DOCK1: variants seen among roughly 807,000 people sequenced by gnomAD.
The protein encoded by DOCK1 is dedicator of cytokinesis 1.
In DOCK1, 138 loss-of-function variants were observed where a neutral mutation model predicts 262.7. The ratio of observed to expected loss-of-function variants is 0.53; its 90% CI spans 0.46 to 0.61. DOCK1 has a LOEUF of 0.61. DOCK1 is among the 20% of genes least tolerant of loss of function. DOCK1 has a pLI of 0.00. For missense variants in DOCK1, 1,908 were observed against 2,370.7 expected, an observed-to-expected ratio of 0.80 and a Z score of 4.05; for synonymous variants, 866 against 867.4, an observed-to-expected ratio of 1.00 and a Z score of 0.03.
rs10538924 is a variant in DOCK1, at chr10:126,996,535, ATT to A, written c.474-191_474-190del. Among the ~76,000 whole-genome samples the A allele has an allele frequency of 3.2e-3, 434 of 136,216 alleles. 3 individuals are homozygous for A. The highest frequency in any genetic ancestry group is 6.1e-3 in the African/African-American group (223 of 36,522). 89.4% of individuals were successfully genotyped at this position (136,216 alleles called of 152,430 possible). A position where few individuals can be genotyped will look rare whatever the true frequency, so the allele number is the denominator to read the frequency against. On this transcript the variant is annotated intron_variant, in intron 6 of 51. Coordinates refer to ENST00000623213, the MANE Select transcript of DOCK1 (RefSeq NM_001290223.2). ...ATTGCAATGGAAATAAAAATTGAGG[ATT>A]TTTTTTTTTTTTTTTTTTTTTACTT... is the stretch of plus-strand genomic sequence containing the variant.
At chr10:127,067,481 AC>A (rs745788326) in intron 23 of DOCK1, among the ~76,000 whole-genome samples, 39 of 152,056 alleles carry the variant, frequency 2.6e-4, no homozygotes, top group Non-Finnish European at 4.4e-4. Context: ...ATTGATGCTT[AC>A]TTGGTATATG....
chr10:127,095,949 T>A (rs1441766973), intron 23 of DOCK1, among the ~76,000 whole-genome samples: 1 of 152,072 alleles, frequency 6.6e-6, no homozygotes, highest in Non-Finnish European at 1.5e-5. Flanking sequence ...CCCTCAGGCG[T>A]TAAATTGACA....
intron 18 of DOCK1, among the ~76,000 whole-genome samples, chr10:127,036,602 T>G (rs568562713): frequency 6.6e-6 from 1 of 152,098 alleles, no homozygotes; most frequent in Non-Finnish European, 1.5e-5. Context: ...TAATGGGATG[T>G]TAATATAACT....
At chr10:127,058,849 C>T (rs2045347812) in intron 22 of DOCK1, among the ~76,000 whole-genome samples, 1 of 152,030 alleles carries the variant, frequency 6.6e-6, no homozygotes, top group Non-Finnish European at 1.5e-5. Flanking sequence ...TATTTCAATT[C>T]TATGTTTTAT....
chr10:127,227,224 T>G (rs2058676157), intron 27 of DOCK1, among the ~76,000 whole-genome samples: 1 of 152,120 alleles, frequency 6.6e-6, no homozygotes, highest in African/African-American at 2.4e-5. Flanking sequence ...CTCCAGAACT[T>G]TTCATCGTGG....
In DOCK1 at chr10:127,037,792, A is replaced by G. The variant is rs540128098; in HGVS notation, c.1986A>G (p.Lys662=). ...AGCAGAACTTGAGGCAGCTGATGAA[A>G]GTCGATGGTGGTGAAGTAGTGAAGG... The part of the protein sequence containing the change: ...LLQQNLRQLM[K]VDGGEVVKFL... Residue 662 remains lysine, a synonymous_variant, in exon 19 of 52, where the codon AAA becomes AAG. Coordinates refer to ENST00000623213, the MANE Select transcript of DOCK1 (RefSeq NM_001290223.2). 124 of 1,597,972 alleles carry G rather than the reference A, an allele frequency of 7.8e-5. No homozygotes were observed. The East Asian group carries it at 2.4e-3, about 31-fold the overall frequency.
intron 21 of DOCK1, among the ~76,000 whole-genome samples, chr10:127,046,240 G>A (rs183927103): frequency 1.3e-5 from 2 of 152,308 alleles, no homozygotes; most frequent in Non-Finnish European, 2.9e-5. Context: ...ATGCCAGGGT[G>A]TTGCATGCTC....
chr10:127,022,592 C>T (rs190334653), intron 13 of DOCK1, among the ~76,000 whole-genome samples: 1 of 152,084 alleles, frequency 6.6e-6, no homozygotes, highest in Non-Finnish European at 1.5e-5. Context: ...GATGAGGGTT[C>T]ACCATGTTGG....
chr10:127,418,584 G>A (rs370614878), intron 45 of DOCK1, 43 bp downstream of exon 45: 31 of 1,563,948 alleles, frequency 2.0e-5, no homozygotes, highest in Non-Finnish European at 2.4e-5. Flanking sequence ...AGTCCTGCCC[G>A]GGGACAGACT....
intron 1 of DOCK1, among the ~76,000 whole-genome samples, chr10:126,944,727 A>C (rs2035267419): frequency 6.6e-6 from 1 of 152,058 alleles, no homozygotes; most frequent in East Asian, 1.9e-4. Context: ...TCGTGTGGGC[A>C]ATGTCGCCAC....
intron 1 of DOCK1, among the ~76,000 whole-genome samples, chr10:126,927,561 C>T (rs1395291924): frequency 3.9e-5 from 6 of 152,044 alleles, no homozygotes; most frequent in African/African-American, 7.2e-5. Flanking sequence ...CTCAGCCTCC[C>T]GAGTAGCTAG....
intron 27 of DOCK1, among the ~76,000 whole-genome samples, chr10:127,138,322 T>G (rs571579488): frequency 9.2e-5 from 14 of 152,288 alleles, no homozygotes; most frequent in Middle Eastern, 3.4e-3. Context: ...ATAACCCCAT[T>G]GTTTGTCCAC....
chr10:126,984,544 T>C (rs900148777), intron 4 of DOCK1, among the ~76,000 whole-genome samples: 1 of 151,462 alleles, frequency 6.6e-6, no homozygotes, highest in African/African-American at 2.4e-5. Flanking sequence ...TGTTTTTTTT[T>C]TTTCAGTAGA....
intron 27 of DOCK1, among the ~76,000 whole-genome samples, chr10:127,201,910 C>A (rs1041343626): frequency 6.6e-6 from 1 of 152,180 alleles, no homozygotes; most frequent in African/African-American, 2.4e-5. Flanking sequence ...AGGTAGATGG[C>A]TCAATGGGCT....
intron 27 of DOCK1, among the ~76,000 whole-genome samples, chr10:127,203,290 T>G (rs1283946971): frequency 6.6e-6 from 1 of 152,232 alleles, no homozygotes; most frequent in Non-Finnish European, 1.5e-5. Context: ...GTGCTGTCAT[T>G]TGCTGAGATT....
At chr10:127,179,830 G>C (rs1165090054) in intron 27 of DOCK1, among the ~76,000 whole-genome samples, 2 of 152,180 alleles carry the variant, frequency 1.3e-5, no homozygotes, top group African/African-American at 2.4e-5. Flanking sequence ...TTAACATTCA[G>C]TAAGCATGCA....
At chr10:126,960,745 T>TATATATATATATAC (rs1429186588) in intron 1 of DOCK1, among the ~76,000 whole-genome samples, 30 of 115,528 alleles carry the variant, frequency 2.6e-4, no homozygotes, top group African/African-American at 9.2e-4. Flanking sequence ...TATATATATA[T>TATATATATATATAC]ACACACACAC....
At chr10:127,417,384 T>TGGGGCCCTCAGAGAAAGA (rs1023231328) in intron 44 of DOCK1, among the ~76,000 whole-genome samples, 1 of 152,134 alleles carries the variant, frequency 6.6e-6, no homozygotes, top group African/African-American at 2.4e-5. Context: ...CCAGGCCCTG[T>TGGGGCCCTCAGAGAAAGA]GGGGCCCTCA....
At chr10:127,005,968 C>T (rs529365798) in intron 10 of DOCK1, among the ~76,000 whole-genome samples, 90 of 152,308 alleles carry the variant, frequency 5.9e-4, no homozygotes, top group African/African-American at 2.1e-3. Flanking sequence ...TTTTATTAAG[C>T]ATTATTCAAA....
Sources: gnomAD v4.1 joint callset for allele counts (sites outside exome capture counted in the v4.1 genomes callset) on GRCh38, gnomAD v4.1.1 for gene constraint, MANE v1.5 for transcripts, NCBI Gene and HGNC (gene_info 2026-07-23, HGNC 2026-07-21) for gene names.